The following LRP12 variants were observed in gnomAD, a reference collection of about 807,000 sequenced individuals.
LRP12 encodes LDL receptor related protein 12.
In LRP12, 14 loss-of-function variants were observed where a neutral mutation model predicts 66.0. The observed-to-expected ratio is 0.21, with a 90% CI of 0.14 to 0.33. LRP12 has a LOEUF of 0.33. Ranked by LOEUF, LRP12 falls within the 10% of genes least tolerant of loss-of-function variation. The probability of loss-of-function intolerance (pLI) is 1.00; values close to 1 mark genes in which losing one functional copy is unlikely to be tolerated. For synonymous variants in LRP12, 357 were observed against 359.1 expected, an observed-to-expected ratio of 0.99 and a Z score of 0.07; for missense variants, 889 against 1,053.4, an observed-to-expected ratio of 0.84 and a Z score of 2.16.
At chr8:104,582,988 T>A (rs1812277080) in intron 1 of LRP12, among the ~76,000 whole-genome samples, 1 of 152,104 alleles carries the variant, frequency 6.6e-6, no homozygotes, top group African/African-American at 2.4e-5. Flanking sequence ...CTTCTTTACC[T>A]CTTACGGCAA....
intron 1 of LRP12, among the ~76,000 whole-genome samples, chr8:104,543,348 G>A (rs73295149): frequency 0.071 from 10,825 of 151,914 alleles, 1,090 homozygotes; most frequent in African/African-American, 0.23. Flanking sequence ...CATTACTATT[G>A]TATTTGTCAT....
intron 2 of LRP12, among the ~76,000 whole-genome samples, chr8:104,525,896 C>G (rs945747855): frequency 1.3e-5 from 2 of 152,140 alleles, no homozygotes; most frequent in Non-Finnish European, 2.9e-5. Flanking sequence ...CAAATTGTCC[C>G]TGTTTGCAGA....
chr8:104,582,621 T>C (rs903293285), intron 1 of LRP12, among the ~76,000 whole-genome samples: 6 of 152,310 alleles, frequency 3.9e-5, no homozygotes, highest in African/African-American at 1.4e-4. Flanking sequence ...ACTTATTTCA[T>C]TGACAAAATG....
intron 2 of LRP12, among the ~76,000 whole-genome samples, chr8:104,520,114 T>G (rs1307688837): frequency 1.3e-5 from 2 of 151,818 alleles, no homozygotes; most frequent in East Asian, 3.9e-4. Flanking sequence ...GCAAAGAAAC[T>G]GAATATACCC....
intron 1 of LRP12, among the ~76,000 whole-genome samples, chr8:104,538,987 C>A (rs954316701): frequency 1.3e-5 from 2 of 152,106 alleles, no homozygotes; most frequent in Non-Finnish European, 2.9e-5. Context: ...AATCATATTA[C>A]AGAAGAATAC....
chr8:104,533,795 A>G (rs1440865092), intron 1 of LRP12, among the ~76,000 whole-genome samples: 1 of 152,006 alleles, frequency 6.6e-6, no homozygotes, highest in Non-Finnish European at 1.5e-5. Flanking sequence ...GGACTACAGG[A>G]GTGTACTATC....
intron 2 of LRP12, among the ~76,000 whole-genome samples, chr8:104,525,552 A>G (rs934540911): frequency 6.6e-6 from 1 of 152,222 alleles, no homozygotes; most frequent in Non-Finnish European, 1.5e-5. Context: ...GAAGCCCTTA[A>G]TACTATGCCT....
At chr8:104,507,960 TAA>T (rs1156361895) in intron 3 of LRP12, 6 of 152,182 alleles carry the variant, frequency 3.9e-5, no homozygotes, top group Non-Finnish European at 8.8e-5. Context: ...GCTAAATGTA[TAA>T]GTCTTATTTT....
chr8:104,547,605 T>C (rs1290749178), intron 1 of LRP12, among the ~76,000 whole-genome samples: 4 of 121,304 alleles, frequency 3.3e-5, no homozygotes, highest in Non-Finnish European at 6.4e-5. Context: ...ATAATAATTA[T>C]TAATATATAA....
In LRP12 at chr8:104,489,253, G is replaced by A. The variant is rs1810578158; in HGVS notation, c.*1420C>T. ...AGCTTTGATTTAAAAAGTACCTCAAGGCAATAAAAAAAATCATTTTAATTT... is the reference window on the plus strand; with the variant it reads ...AGCTTTGATTTAAAAAGTACCTCAAAGCAATAAAAAAAATCATTTTAATTT... On this transcript the variant is annotated 3_prime_UTR_variant, in exon 7 of 7. Coordinates refer to ENST00000276654, the MANE Select transcript of LRP12 (RefSeq NM_013437.5). 6.6e-6 allele frequency: 1 copy of A among 152,148 alleles called. No individual in the cohort carries two copies. Among genetic ancestry groups the A allele is most frequent in the Non-Finnish European group, 1.5e-5 (1 of 67,896 alleles). 9.4% of individuals were successfully genotyped at this position (152,148 alleles called of 1,614,324 possible).
intron 1 of LRP12, among the ~76,000 whole-genome samples, chr8:104,554,357 CT>C (rs1233691719): frequency 1.4e-4 from 22 of 151,990 alleles, no homozygotes; most frequent in African/African-American, 5.3e-4. Context: ...TGAATACCAA[CT>C]TTAAGATTTT....
At chr8:104,492,334 C>G (rs1810648203) in intron 6 of LRP12, among the ~76,000 whole-genome samples, 1 of 152,018 alleles carries the variant, frequency 6.6e-6, no homozygotes, top group Admixed American at 6.6e-5. Flanking sequence ...AAAATCTATT[C>G]TTTTTTCTAG....
At chr8:104,538,429 C>T (rs566677930) in intron 1 of LRP12, among the ~76,000 whole-genome samples, 1 of 152,198 alleles carries the variant, frequency 6.6e-6, no homozygotes, top group Admixed American at 6.6e-5. Context: ...CCTCTTCTCC[C>T]TCTATCTTCA....
At chr8:104,563,287 T>C (rs1484930210) in intron 1 of LRP12, among the ~76,000 whole-genome samples, 3 of 152,184 alleles carry the variant, frequency 2.0e-5, no homozygotes, top group Non-Finnish European at 4.4e-5. Context: ...CAAATTTTAA[T>C]TTACTTAGTT....
chr8:104,534,847 G>A (rs559258769), intron 1 of LRP12, among the ~76,000 whole-genome samples: 10 of 151,814 alleles, frequency 6.6e-5, no homozygotes, highest in Non-Finnish European at 1.5e-4. Context: ...ATAGCCCAAA[G>A]AAAATCGCTT....
chr8:104,587,017 C>A (rs1160430509), intron 1 of LRP12, among the ~76,000 whole-genome samples: 3 of 152,112 alleles, frequency 2.0e-5, no homozygotes, highest in African/African-American at 7.2e-5. Flanking sequence ...TTGATAGGCA[C>A]CTACCAGAAA....
chr8:104,491,539 C>A lies in LRP12; in HGVS notation c.1714G>T (p.Ala572Ser). Reference sequence around the variant, plus strand: ...AGCCTCAGATTTTCCAAAACAGAAGCCTACAAAAATAAGAAAAGATCTTAA... The same window carrying A: ...AGCCTCAGATTTTCCAAAACAGAAGACTACAAAAATAAGAAAAGATCTTAA... ...EDFPVCSPNQ[A>S]SVLENLRLAV... The change falls in exon 7 of 7, where the codon GCT becomes TCT. Residue 572 changes from alanine (A) to serine (S), a missense_variant and splice_region_variant. Ala to Ser is a moderately conservative substitution (Grantham distance 99). Around this residue, in one of 3 missense-constraint regions of LRP12, gnomAD observed 800 missense variants for 964.5 expected, o/e 0.83. Coordinates refer to ENST00000276654, the MANE Select transcript of LRP12 (RefSeq NM_013437.5). 6.3e-7 allele frequency: 1 copy of A among 1,589,396 alleles called. No individual in the cohort carries two copies. Among genetic ancestry groups the A allele is most frequent in the Non-Finnish European group, 8.5e-7 (1 of 1,172,384 alleles).
chr8:104,535,177 A>G (rs958417819), intron 1 of LRP12, among the ~76,000 whole-genome samples: 1 of 151,996 alleles, frequency 6.6e-6, no homozygotes, highest in Non-Finnish European at 1.5e-5. Flanking sequence ...ATAGTTTGTT[A>G]TAACAATTTT....
chr8:104,510,157 AGCATAAT>A (rs1358490740), intron 2 of LRP12, among the ~76,000 whole-genome samples: 2 of 152,188 alleles, frequency 1.3e-5, no homozygotes, highest in African/African-American at 4.8e-5. Context: ...GATCCTTAGG[AGCATAAT>A]GCTGCTTTTA....
Sources: gnomAD v4.1 joint callset for allele counts (sites outside exome capture counted in the v4.1 genomes callset) on GRCh38, gnomAD v4.1.1 for gene constraint, gnomAD v4.1.1 regional missense constraint, MANE v1.5 for transcripts, NCBI Gene and HGNC (gene_info 2026-07-23, HGNC 2026-07-21) for gene names.